PIK3C2B: variants seen among roughly 807,000 people sequenced by gnomAD.
PIK3C2B encodes phosphatidylinositol 4-phosphate 3-kinase C2 domain-containing subunit beta.
A neutral mutation model predicts 184.3 loss-of-function variants in PIK3C2B; 83 were observed. The observed-to-expected ratio is 0.45, with a 90% CI of 0.38 to 0.54. PIK3C2B has a LOEUF of 0.54. Among genes scored for constraint, PIK3C2B ranks in the 20% least tolerant of loss-of-function variants. PIK3C2B has a pLI of 0.00. For missense variants in PIK3C2B, 1,736 were observed against 2,113.5 expected, an observed-to-expected ratio of 0.82 and a Z score of 3.50; for synonymous variants, 779 against 837.6, an observed-to-expected ratio of 0.93 and a Z score of 1.21.
Position 204,456,907 on chromosome 1 carries a change from CCCACACACACACACACA to C in PIK3C2B, c.1747+113_1747+129del, listed in dbSNP as rs1654907029. ...ACACACACACACACACACACACACA[CCCACACACACACACACA>C]CCAGCCGAACTCCGACACATAAATC... On this transcript the variant is annotated intron_variant, in intron 10 of 32. Coordinates refer to ENST00000684373, the MANE Select transcript of PIK3C2B (RefSeq NM_001377334.1). 50 of 129,786 alleles carry C rather than the reference CCCACACACACACACACA, an allele frequency of 3.9e-4. 2 individuals are homozygous for C. Among genetic ancestry groups the C allele is most frequent in the Admixed American group, 6.4e-4 (6 of 9,410 alleles). The allele number at this position is 129,786 out of a possible 1,614,324, so 8.0% of individuals were successfully genotyped here.
At chr1:204,446,659 T>C (rs904171963) in intron 15 of PIK3C2B, among the ~76,000 whole-genome samples, 4 of 152,166 alleles carry the variant, frequency 2.6e-5, no homozygotes, top group Admixed American at 6.5e-5. Flanking sequence ...CTGCAGCTAA[T>C]TGGGCCTTGC....
chr1:204,428,258 G>A (rs1357109140), intron 29 of PIK3C2B, 38 bp from the exon 30 acceptor site: 1 of 1,259,596 alleles, frequency 7.9e-7, no homozygotes, highest in Non-Finnish European at 1.2e-6. Context: ...TCTTCAATAA[G>A]ACAATGGCCC....
intron 1 of PIK3C2B, among the ~76,000 whole-genome samples, chr1:204,471,806 T>C (rs1656301061): frequency 6.6e-6 from 1 of 152,248 alleles, no homozygotes; most frequent in Non-Finnish European, 1.5e-5. Context: ...AATAAAACTA[T>C]AAATGAAAAG....
rs558610378 is a variant in PIK3C2B at position 204,449,164 on chromosome 1, A to G, written c.2346+21T>C. The G allele has an allele frequency of 1.1e-4, 161 of 1,513,046 alleles. 2 individuals are homozygous for G. The South Asian group carries it at 1.3e-3, about 13-fold the overall frequency. The allele number at this position is 1,513,046 out of a possible 1,614,324, so 93.7% of individuals were successfully genotyped here. On this transcript the variant is annotated intron_variant, in intron 14 of 32. Coordinates refer to ENST00000684373, the MANE Select transcript of PIK3C2B (RefSeq NM_001377334.1). ...TGGAATGGTCTTGCTGGTGACTGGG[A>G]GGGAAGGGCTAAAGCCTCACCTGCA... is the stretch of plus-strand genomic sequence containing the variant.
At position 204,469,354 on chromosome 1, in the gene PIK3C2B, G is replaced by C; in HGVS notation, c.449C>G (p.Ser150Cys). 6.5e-7 allele frequency: 1 copy of C among 1,527,408 alleles called. No homozygotes were observed. Among genetic ancestry groups the C allele is most frequent in the Non-Finnish European group, 8.8e-7 (1 of 1,140,076 alleles). The allele number at this position is 1,527,408 out of a possible 1,614,324, so 94.6% of individuals were successfully genotyped here. A position where few individuals can be genotyped will look rare whatever the true frequency, so the allele number is the denominator to read the frequency against. ...SSPGPGDIEG[S>C]CKKLSPPPLP... ...AGGAGGTGGGGATAGTTTCTTGCAA[G>C]AGCCCTCTATGTCCCCTGGTCCTGG... The change falls in exon 2 of 33, where the codon TCT (serine) becomes TGT (cysteine). Residue 150 changes from serine to cysteine, a missense_variant. Coordinates refer to ENST00000684373, the MANE Select transcript of PIK3C2B (RefSeq NM_001377334.1).
In PIK3C2B at chr1:204,486,171, G is replaced by A. The variant is rs934652351; in HGVS notation, c.-85+8185C>T. 7.2e-5 allele frequency among the ~76,000 whole-genome samples: 11 copies of A among 152,028 alleles called. No homozygotes were observed. In the South Asian group the frequency reaches 1.2e-3, roughly 17 times the overall value. On this transcript the variant is annotated intron_variant, in intron 1 of 32. Transcript: ENST00000684373. Reference sequence around the variant, plus strand: ...AGCACTTTGGGAGGTCGAGGCGGGCGGATCACCAGAGGTCGGGAATTCCAG... The same window carrying A: ...AGCACTTTGGGAGGTCGAGGCGGGCAGATCACCAGAGGTCGGGAATTCCAG...
intron 1 of PIK3C2B, among the ~76,000 whole-genome samples, chr1:204,475,189 T>A (rs1245980944): frequency 6.6e-6 from 1 of 152,136 alleles, no homozygotes; most frequent in Non-Finnish European, 1.5e-5. Flanking sequence ...GCCTAAGATA[T>A]TTCAAAGGCT....
At chr1:204,431,289 T>C in intron 28 of PIK3C2B, 1 of 267,928 alleles carries the variant, frequency 3.7e-6, no homozygotes, top group Non-Finnish European at 7.3e-6. Flanking sequence ...GTCCTCAAGG[T>C]CCATCCACGT....
At chr1:204,438,027 G>C (rs867855436) in intron 23 of PIK3C2B, among the ~76,000 whole-genome samples, 1 of 152,164 alleles carries the variant, frequency 6.6e-6, no homozygotes, top group Non-Finnish European at 1.5e-5. Flanking sequence ...ATTAAGCCCC[G>C]GGGAACACAA....
In PIK3C2B at chr1:204,444,132, G is replaced by C. The variant is rs755667426; in HGVS notation, c.2803C>G (p.Pro935Ala). 48 of 1,613,688 alleles carry C rather than the reference G, an allele frequency of 3.0e-5. No individual in the cohort carries two copies. The highest frequency in any genetic ancestry group is 3.8e-5 in the Non-Finnish European group (45 of 1,179,578). Residue 935 changes from proline to alanine, a missense_variant, in exon 18 of 33, where the codon CCG (proline) becomes GCG (alanine). Physicochemically the swap from Pro to Ala is conservative, Grantham distance 27 (BLOSUM62 -1). Coordinates refer to ENST00000684373, the MANE Select transcript of PIK3C2B (RefSeq NM_001377334.1). The part of the protein sequence containing the change: ...ALKYECYLDS[P>A]LVRFLLKRAV... ...CGTTTCAGGAGGAAGCGCACCAACG[G>C]GCTGTCCAGGTAGCATTCATACTTC...
chr1:204,464,283 G>C, intron 4 of PIK3C2B, 151 bp from the exon 5 acceptor site: 1 of 1,148,462 alleles, frequency 8.7e-7, no homozygotes, highest in Non-Finnish European at 1.3e-6. Flanking sequence ...GTTGAGGAAA[G>C]TGACTGTACT....
intron 32 of PIK3C2B, 139 bp downstream of exon 32, chr1:204,425,474 G>T: frequency 1.1e-6 from 1 of 880,798 alleles, no homozygotes; most frequent in Non-Finnish European, 1.8e-6. Context: ...CATGAAAGCA[G>T]CTACAGGTAA....
chr1:204,437,367 C>T (rs142089841), intron 23 of PIK3C2B, among the ~76,000 whole-genome samples: 283 of 152,066 alleles, frequency 1.9e-3, no homozygotes, highest in African/African-American at 6.0e-3. Flanking sequence ...TGGTGGTGCA[C>T]GCCTATAATC....
intron 1 of PIK3C2B, among the ~76,000 whole-genome samples, chr1:204,484,509 C>T (rs931510383): frequency 6.6e-6 from 1 of 152,028 alleles, no homozygotes; most frequent in African/African-American, 2.4e-5. Flanking sequence ...CCAAGGTGGG[C>T]GGATCACGAG....
rs769752542 is a variant in PIK3C2B at position 204,465,296 on chromosome 1, A to G, written c.957T>C (p.Val319=). 1 of 1,613,348 alleles carries G rather than the reference A, an allele frequency of 6.2e-7. No individual in the cohort carries two copies. The highest frequency in any genetic ancestry group is 1.1e-5 in the South Asian group (1 of 91,052). ...CCTCAAACAACTCATGGCCATTGGC[A>G]ACAGTGTGGGGCCGGGAGCCCACCT... ...AAPVGSRPHT[V]ANGHELFEVS... Residue 319 remains valine, a synonymous_variant, in exon 3 of 33, where the codon GTT becomes GTC. Transcript: ENST00000684373.
Position 204,433,184 on chromosome 1 carries a change from C to T in PIK3C2B, c.3953+132G>A. The T allele has an allele frequency of 1.8e-6, 1 of 570,796 alleles. No homozygotes were observed. Among genetic ancestry groups the T allele is most frequent in the Non-Finnish European group, 3.1e-6 (1 of 317,726 alleles). 35.4% of individuals were successfully genotyped at this position (570,796 alleles called of 1,614,324 possible). ...CACGGGCAAAGTTGGGACAATGTATCCACGTGGTCAGCTCTAGGCTCTAGC... is the reference window on the plus strand; with the variant it reads ...CACGGGCAAAGTTGGGACAATGTATTCACGTGGTCAGCTCTAGGCTCTAGC... On this transcript the variant is annotated intron_variant, in intron 26 of 32. Transcript: ENST00000684373. The surrounding 1 kb of genome is among the most constrained non-coding windows in gnomAD (Gnocchi z 5.0).
At position 204,442,564 on chromosome 1, in the gene PIK3C2B, G is replaced by A; in HGVS notation, c.3118C>T (p.Leu1040Phe). The A allele has an allele frequency of 5.1e-6, 8 of 1,555,580 alleles. No homozygotes were observed. The highest frequency in any genetic ancestry group is 7.0e-6 in the Non-Finnish European group (8 of 1,149,232). The change falls in exon 20 of 33, where the codon CTC (leucine) becomes TTC (phenylalanine). Residue 1040 changes from leucine (L) to phenylalanine (F), a missense_variant. Physicochemically the swap from Leu to Phe is conservative, Grantham distance 22. This residue lies in a region of PIK3C2B where 289 missense variants were observed against 380.4 expected (regional missense o/e 0.76). Coordinates refer to ENST00000684373, the MANE Select transcript of PIK3C2B (RefSeq NM_001377334.1). ...CCCTTAACCAGCAGACTGGGGCTGA[G>A]TGGCAAGCGGCACGAGCCATTGAGG... ...FALNGSCRLP[L>F]SPSLLVKGIV...
At chr1:204,494,114 C>G (rs1267836504) in intron 1 of PIK3C2B, among the ~76,000 whole-genome samples, 1 of 151,930 alleles carries the variant, frequency 6.6e-6, no homozygotes, top group Non-Finnish European at 1.5e-5. Context: ...CCCCAGAGGC[C>G]CTGAAGCTGC....
chr1:204,438,893 G>A (rs1488199647), intron 23 of PIK3C2B, 42 bp downstream of exon 23: 28 of 1,552,896 alleles, frequency 1.8e-5, no homozygotes, highest in East Asian at 2.3e-5. Flanking sequence ...CCGGCATCAG[G>A]CACACACACA....
Sources: gnomAD v4.1 joint callset for allele counts (sites outside exome capture counted in the v4.1 genomes callset) on GRCh38, gnomAD v4.1.1 for gene constraint, gnomAD v4.1.1 regional missense constraint, Gnocchi (gnomAD v3.1) non-coding constraint, MANE v1.5 for transcripts, NCBI Gene and HGNC (gene_info 2026-07-23, HGNC 2026-07-21) for gene names.